Variants in CAT observed in about 807,000 individuals in gnomAD.
CAT encodes the protein epididymis secretory sperm binding protein.
A neutral mutation model predicts 59.0 loss-of-function variants in CAT; 43 were observed. The ratio of observed to expected loss-of-function variants is 0.73; its 90% CI spans 0.57 to 0.94. The LOEUF (loss-of-function observed/expected upper bound fraction) is 0.94, where lower values mean the gene tolerates loss of function less well. CAT is among the 40% of genes least tolerant of loss of function. The probability of loss-of-function intolerance (pLI) is 0.00; values close to 1 mark genes in which losing one functional copy is unlikely to be tolerated. For synonymous variants in CAT, 218 were observed against 230.9 expected, an observed-to-expected ratio of 0.94 and a Z score of 0.51; for missense variants, 664 against 682.9, an observed-to-expected ratio of 0.97 and a Z score of 0.31.
chr11:34,457,009 C>A, intron 8 of CAT, 192 bp downstream of exon 8: 1 of 611,980 alleles, frequency 1.6e-6, no homozygotes, highest in Non-Finnish European at 2.9e-6. Context: ...TTGAGTAAAC[C>A]AAGTATAAAC....
intron 11 of CAT, among the ~76,000 whole-genome samples, chr11:34,468,990 G>A (rs2420388): frequency 0.23 from 35,041 of 152,120 alleles, 4,406 homozygotes; most frequent in East Asian, 0.48. Context: ...TTCAGATGCA[G>A]ACTAGAAATT....
Position 34,449,389 on chromosome 11 carries a change from A to G in CAT, c.238+26A>G. The G allele has an allele frequency of 1.9e-6, 3 of 1,606,448 alleles. No individual in the cohort carries two copies. In the South Asian group the frequency reaches 3.3e-5, roughly 18 times the overall value. ...GTAAGTGCTGTGTTTATTTGCTGTAAAAAGATTGTTTCACAGCACCTGGGT... is the reference window on the plus strand; with the variant it reads ...GTAAGTGCTGTGTTTATTTGCTGTAGAAAGATTGTTTCACAGCACCTGGGT... On this transcript the variant is annotated intron_variant, in intron 2 of 12. Coordinates refer to ENST00000241052, the MANE Select transcript of CAT (RefSeq NM_001752.4).
chr11:34,457,204 C>CTTTTTTTTTTTTTTTT (rs899442681), intron 8 of CAT, among the ~76,000 whole-genome samples: 10 of 66,174 alleles, frequency 1.5e-4, no homozygotes, highest in Admixed American at 3.7e-4. Flanking sequence ...TTTTCTTGTT[C>CTTTTTTTTTTTTTTTT]TTTTTTTTTT....
At chr11:34,455,744 A>G (rs17884421) in intron 6 of CAT, among the ~76,000 whole-genome samples, 1 of 152,214 alleles carries the variant, frequency 6.6e-6, no homozygotes, top group Non-Finnish European at 1.5e-5. Flanking sequence ...AATTCAAATA[A>G]TAGAATACAT....
At chr11:34,456,549 G>T in intron 7 of CAT, 116 bp from the exon 8 acceptor site, 2 of 1,022,870 alleles carry the variant, frequency 2.0e-6, no homozygotes, top group Non-Finnish European at 1.5e-6. Flanking sequence ...ATGTTTTATT[G>T]GATTTAAAAA....
In CAT at chr11:34,461,188, C is replaced by T. The variant is rs556689101; in HGVS notation, c.1057-63C>T. The stretch of plus-strand genomic sequence containing the variant: ...ACTTCAAATTTCAGAATGAAGTTTA[C>T]AGCCCATTCCTATGTTATATGTTAC... On this transcript the variant is annotated intron_variant, in intron 8 of 12. Coordinates refer to ENST00000241052, the MANE Select transcript of CAT (RefSeq NM_001752.4). The T allele has an allele frequency of 3.9e-6, 6 of 1,551,306 alleles. No individual in the cohort carries two copies. In the African/African-American group the frequency reaches 5.4e-5, roughly 14 times the overall value.
At chr11:34,468,583 G>A (rs1482619165) in intron 11 of CAT, 188 bp downstream of exon 11, 1 of 631,136 alleles carries the variant, frequency 1.6e-6, no homozygotes, top group African/African-American at 1.8e-5. Flanking sequence ...ATCTGGTCTG[G>A]CATATCCATC....
At chr11:34,450,881 A>G (rs1239314453) in intron 2 of CAT, 107 bp from the exon 3 acceptor site, 1 of 805,474 alleles carries the variant, frequency 1.2e-6, no homozygotes, top group Non-Finnish European at 2.3e-6. Context: ...AAGCTCCCAG[A>G]AGGCTGGTGC....
intron 2 of CAT, among the ~76,000 whole-genome samples, chr11:34,450,383 A>T (rs551216218): frequency 1.3e-5 from 2 of 152,264 alleles, no homozygotes; most frequent in South Asian, 4.2e-4. Flanking sequence ...GACACAAAAG[A>T]TGGGGGTGGT....
intron 8 of CAT, among the ~76,000 whole-genome samples, chr11:34,459,663 A>G (rs1217348466): frequency 6.6e-6 from 1 of 152,210 alleles, no homozygotes; most frequent in East Asian, 1.9e-4. Flanking sequence ...AGCTGGTGTC[A>G]GGGTATGGCC....
At chr11:34,463,965 G>C in intron 9 of CAT, 140 bp from the exon 10 acceptor site, 1 of 857,340 alleles carries the variant, frequency 1.2e-6, no homozygotes, top group Non-Finnish European at 2.0e-6. Context: ...AAAATAATAT[G>C]TGTGCGTTGT....
In CAT at chr11:34,461,294, G is replaced by C; in HGVS notation, c.1100G>C (p.Gly367Ala). ...CCTGACACTCACCGCCATCGCCTGG[G>C]ACCCAATTATCTTCATATACCTGTG... is the stretch of plus-strand genomic sequence containing the variant. ...AYPDTHRHRL[G>A]PNYLHIPVNC... The change falls in exon 9 of 13, where the codon GGA becomes GCA. Residue 367 changes from glycine (G) to alanine (A), a missense_variant. By Grantham distance (60) the Gly-to-Ala change is moderately conservative. Coordinates refer to ENST00000241052, the MANE Select transcript of CAT (RefSeq NM_001752.4). The C allele has an allele frequency of 6.2e-7, 1 of 1,614,204 alleles. No individual in the cohort carries two copies. The highest frequency in any genetic ancestry group is 8.5e-7 in the Non-Finnish European group (1 of 1,180,038).
intron 8 of CAT, among the ~76,000 whole-genome samples, chr11:34,458,254 A>G (rs1233837563): frequency 4.6e-5 from 7 of 152,218 alleles, no homozygotes. Context: ...TGTTGAAACT[A>G]TAAACAGTCA....
rs1856779839 is a variant in CAT at position 34,472,057 on chromosome 11, A to ATACC, written c.*624_*625insTACC. ...TTACAATAAATAATCTGTACGTAAG[A>ATACC]ACAGAGATGGTATTTTCTTTCTTTC... On this transcript the variant is annotated 3_prime_UTR_variant, in exon 13 of 13. Coordinates refer to ENST00000241052, the MANE Select transcript of CAT (RefSeq NM_001752.4). 6.5e-6 allele frequency: 1 copy of ATACC among 153,558 alleles called. No homozygotes were observed. Among genetic ancestry groups the ATACC allele is most frequent in the Non-Finnish European group, 1.4e-5 (1 of 68,970 alleles). The allele number at this position is 153,558 out of a possible 1,614,324, so 9.5% of individuals were successfully genotyped here. A position where few individuals can be genotyped will look rare whatever the true frequency, so the allele number is the denominator to read the frequency against.
chr11:34,451,068 A>G lies in CAT; in HGVS notation c.319A>G (p.Thr107Ala), dbSNP rs1204752996. The G allele has an allele frequency of 4.3e-6, 7 of 1,612,556 alleles. No individual in the cohort carries two copies. The highest frequency in any genetic ancestry group is 1.7e-4 in the Middle Eastern group (1 of 6,058). The change falls in exon 3 of 13, where the codon ACT becomes GCT. Residue 107 changes from threonine to alanine, a missense_variant. Physicochemically the swap from Thr to Ala is moderately conservative, Grantham distance 58. Coordinates refer to ENST00000241052, the MANE Select transcript of CAT (RefSeq NM_001752.4). The part of the protein sequence containing the change: ...AKVFEHIGKK[T>A]PIAVRFSTVA... ...GGTATTTGAGCATATTGGAAAGAAG[A>G]CTCCCATCGCAGTTCGGTTCTCCAC...
At chr11:34,464,909 G>A (rs1856696234) in intron 10 of CAT, among the ~76,000 whole-genome samples, 1 of 151,862 alleles carries the variant, frequency 6.6e-6, no homozygotes, top group African/African-American at 2.4e-5. Context: ...TAGAGAGATG[G>A]AATCCTATTG....
chr11:34,458,815 C>T (rs967513137), intron 8 of CAT, among the ~76,000 whole-genome samples: 11 of 152,186 alleles, frequency 7.2e-5, no homozygotes, highest in African/African-American at 9.6e-5. Flanking sequence ...ACTAGGCCCC[C>T]GGGAAAAGGA....
At chr11:34,457,548 A>C (rs928121854) in intron 8 of CAT, among the ~76,000 whole-genome samples, 1 of 152,148 alleles carries the variant, frequency 6.6e-6, no homozygotes, top group African/African-American at 2.4e-5. Flanking sequence ...TTCCATTTGT[A>C]AAAAGAGATC....
chr11:34,455,888 A>G, intron 6 of CAT, 123 bp from the exon 7 acceptor site: 1 of 750,424 alleles, frequency 1.3e-6, no homozygotes, highest in Non-Finnish European at 2.3e-6. Context: ...CAATAGAAGT[A>G]TTGTTGTAAA....
Sources: gnomAD v4.1 joint callset for allele counts (sites outside exome capture counted in the v4.1 genomes callset) on GRCh38, gnomAD v4.1.1 for gene constraint, MANE v1.5 for transcripts, NCBI Gene and HGNC (gene_info 2026-07-23, HGNC 2026-07-21) for gene names.